CFAP96: variants seen among roughly 807,000 people sequenced by gnomAD.
The protein encoded by CFAP96 is cilia and flagella associated protein 96, also known as cilia-and flagella-associated protein 96.
chr4:185,448,196 T>C, the CFAP96 span, among the ~76,000 whole-genome samples: 45 of 152,178 alleles, frequency 3.0e-4, no homozygotes, highest in African/African-American at 9.9e-4. Context: ...AATTTTTGTA[T>C]TTTTAGTAGA....
At chr4:185,441,419 CTTGTT>C in the CFAP96 span, among the ~76,000 whole-genome samples, 4,342 of 151,130 alleles carry the variant, frequency 0.029, 217 homozygotes, top group East Asian at 0.16. Context: ...GGGTACTAGT[CTTGTT>C]TTGTTATTTG....
chr4:185,426,941 G>A, the CFAP96 span, among the ~76,000 whole-genome samples: 1 of 145,970 alleles, frequency 6.9e-6, no homozygotes, highest in Admixed American at 6.9e-5. Flanking sequence ...GCGGGTGCTT[G>A]TAGTCCCAGC....
At chr4:185,426,115 A>G in the CFAP96 span, 1 of 572,390 alleles carries the variant, frequency 1.7e-6, no homozygotes, top group East Asian at 2.9e-5. Flanking sequence ...TCTGTCCTAC[A>G]GAAGCTCACA....
At chr4:185,420,185 T>C in the CFAP96 span, among the ~76,000 whole-genome samples, 1 of 90 alleles carries the variant, frequency 0.011, no homozygotes, top group Non-Finnish European at 0.031. Context: ...CACGGTTGGT[T>C]TTTTTTTCCT....
At chr4:185,440,411 T>A in the CFAP96 span, 3 of 600,488 alleles carry the variant, frequency 5.0e-6, no homozygotes, top group African/African-American at 5.9e-5. Flanking sequence ...AAATTAATGT[T>A]TTAAAAAAGT....
the CFAP96 span, chr4:185,425,715 G>T: frequency 1.6e-6 from 2 of 1,214,738 alleles, no homozygotes; most frequent in Non-Finnish European, 2.3e-6. Flanking sequence ...GGAGACAGGC[G>T]AACTGGAGAG....
At chr4:185,443,369 A>C in the CFAP96 span, among the ~76,000 whole-genome samples, 1 of 47,826 alleles carries the variant, frequency 2.1e-5, no homozygotes, top group Non-Finnish European at 3.8e-5. Flanking sequence ...TTTGAGATGG[A>C]GTCTTGCTCT....
At chr4:185,448,165 C>T in the CFAP96 span, among the ~76,000 whole-genome samples, 4 of 152,048 alleles carry the variant, frequency 2.6e-5, no homozygotes, top group African/African-American at 7.2e-5. Flanking sequence ...GTATTACAGG[C>T]GCCCACCACC....
chr4:185,416,377 T>C, the CFAP96 span, among the ~76,000 whole-genome samples: 2 of 152,210 alleles, frequency 1.3e-5, no homozygotes, highest in Non-Finnish European at 2.9e-5. Context: ...CATATAACTA[T>C]ATACCCCTGG....
chr4:185,423,813 T>TACAC, the CFAP96 span, among the ~76,000 whole-genome samples: 80 of 150,914 alleles, frequency 5.3e-4, no homozygotes, highest in African/African-American at 1.6e-3. Context: ...CATACATATA[T>TACAC]ACACACACAC....
chr4:185,426,577 T>G, the CFAP96 span, among the ~76,000 whole-genome samples: 128 of 152,334 alleles, frequency 8.4e-4, no homozygotes, highest in South Asian at 1.7e-3. Context: ...TCGGCTATGC[T>G]CTATTTTCTT....
At chr4:185,432,064 T>C in the CFAP96 span, 1 of 1,551,672 alleles carries the variant, frequency 6.4e-7, no homozygotes, top group East Asian at 2.4e-5. Flanking sequence ...AGGCAGGTTA[T>C]TTTGATCCCC....
chr4:185,435,613 A>C, the CFAP96 span, among the ~76,000 whole-genome samples: 1 of 152,214 alleles, frequency 6.6e-6, no homozygotes, highest in African/African-American at 2.4e-5. Flanking sequence ...TTAGCACCCA[A>C]ATTCCATGAG....
the CFAP96 span, among the ~76,000 whole-genome samples, chr4:185,444,199 C>T: frequency 1.2e-4 from 18 of 149,756 alleles, no homozygotes; most frequent in South Asian, 2.8e-3. Flanking sequence ...ATGATCCACC[C>T]GCCTCGGCCT....
At chr4:185,415,993 T>C in the CFAP96 span, 13 of 702,200 alleles carry the variant, frequency 1.9e-5, no homozygotes, top group Non-Finnish European at 2.6e-5. Context: ...CCAAGTACAG[T>C]AGTGAAAAGG....
the CFAP96 span, among the ~76,000 whole-genome samples, chr4:185,443,133 G>A: frequency 6.6e-6 from 1 of 151,552 alleles, no homozygotes; most frequent in East Asian, 1.9e-4. Flanking sequence ...AATTCACAGT[G>A]AAGCGTTCTG....
At chr4:185,429,584 A>C in the CFAP96 span, 2 of 847,084 alleles carry the variant, frequency 2.4e-6, no homozygotes, top group Non-Finnish European at 3.6e-6. Flanking sequence ...TTAATATTTA[A>C]GTCAAATGAT....
At chr4:185,425,150 G>A in the CFAP96 span, among the ~76,000 whole-genome samples, 4 of 152,166 alleles carry the variant, frequency 2.6e-5, no homozygotes, top group African/African-American at 9.7e-5. Flanking sequence ...ACTGCATGTC[G>A]GGGAGTTGAG....
the CFAP96 span, among the ~76,000 whole-genome samples, chr4:185,427,871 A>T: frequency 6.7e-6 from 1 of 149,970 alleles, no homozygotes; most frequent in Non-Finnish European, 1.5e-5. Flanking sequence ...GGATCACCTG[A>T]GGTCAGGAGT....
Sources: gnomAD v4.1 joint callset for allele counts (sites outside exome capture counted in the v4.1 genomes callset) on GRCh38, gnomAD v4.1.1 for gene constraint, MANE v1.5 for transcripts, NCBI Gene and HGNC (gene_info 2026-07-23, HGNC 2026-07-21) for gene names.